The following INTS9 variants were observed in gnomAD, a reference collection of about 807,000 sequenced individuals.
INTS9 encodes protein related to CPSF subunits of 74 kDa.
Under a neutral mutation model 79.7 loss-of-function variants are expected in INTS9, and 55 were observed. The ratio of observed to expected loss-of-function variants is 0.69; its 90% CI spans 0.56 to 0.86. The LOEUF (loss-of-function observed/expected upper bound fraction) is 0.86. Ranked by LOEUF, INTS9 falls within the 40% of genes least tolerant of loss-of-function variation. The pLI is 0.00. For synonymous variants in INTS9, 319 were observed against 325.2 expected, an observed-to-expected ratio of 0.98 and a Z score of 0.20; for missense variants, 721 against 831.5, an observed-to-expected ratio of 0.87 and a Z score of 1.64.
chr8:28,882,938 G>A (rs1033377746), intron 1 of INTS9, among the ~76,000 whole-genome samples: 1 of 152,294 alleles, frequency 6.6e-6, no homozygotes, highest in East Asian at 1.9e-4. Flanking sequence ...CTTGATCACT[G>A]AGCAACTTGC....
intron 4 of INTS9, among the ~76,000 whole-genome samples, chr8:28,842,884 T>G (rs1035654922): frequency 6.6e-6 from 1 of 152,176 alleles, no homozygotes; most frequent in African/African-American, 2.4e-5. Context: ...TTCGACAGAG[T>G]TGACAGTCCT....
At position 28,777,840 on chromosome 8, in the gene INTS9, T is replaced by TA; in HGVS notation, c.1383dup (p.Lys462Ter). The TA allele has an allele frequency of 6.2e-7, 1 of 1,607,626 alleles. No individual in the cohort carries two copies. On this transcript the variant is annotated frameshift_variant, in exon 13 of 17. Transcript: ENST00000521022. LOFTEE classifies it high-confidence loss of function. Reference sequence around the variant, plus strand: ...GTGTCCTTCATTACCTGCACTTCTTTAAGCAGCTTTGACACCTGGATGAAG... The same window carrying TA: ...GTGTCCTTCATTACCTGCACTTCTTTAAAGCAGCTTTGACACCTGGATGAAG...
intron 4 of INTS9, among the ~76,000 whole-genome samples, chr8:28,842,242 G>A (rs1234756021): frequency 6.6e-6 from 1 of 152,170 alleles, no homozygotes; most frequent in Non-Finnish European, 1.5e-5. Context: ...TGGTCTTGTT[G>A]TCTTGGGTGG....
In INTS9 at chr8:28,842,740, A is replaced by G. The variant is rs567082536; in HGVS notation, c.261+4007T>C. 9.2e-5 allele frequency among the ~76,000 whole-genome samples: 14 copies of G among 152,210 alleles called. No homozygotes were observed. In the South Asian group the frequency reaches 2.9e-3, roughly 32 times the overall value. ...GGTTCTGTTCTAAATCCTGTGAAGT[A>G]CAACACCTGGACACAGTTTTGTTTA... On this transcript the variant is annotated intron_variant, in intron 4 of 16. Transcript: ENST00000521022.
At chr8:28,879,821 A>AC (rs1169480050) in intron 1 of INTS9, among the ~76,000 whole-genome samples, 1 of 152,134 alleles carries the variant, frequency 6.6e-6, no homozygotes, top group Non-Finnish European at 1.5e-5. Context: ...GCCACAAAAG[A>AC]CCCCATATCA....
chr8:28,806,629 T>G (rs1358459910), intron 8 of INTS9, among the ~76,000 whole-genome samples: 2 of 152,214 alleles, frequency 1.3e-5, no homozygotes, highest in African/African-American at 2.4e-5. Context: ...AAAGGAAGAC[T>G]AATCAAATTT....
intron 5 of INTS9, 104 bp from the exon 6 acceptor site, chr8:28,835,482 C>T: frequency 1.5e-6 from 1 of 682,556 alleles, no homozygotes; most frequent in Non-Finnish European, 2.6e-6. Flanking sequence ...CCTCCCCCTA[C>T]ACCATTTCAT....
intron 1 of INTS9, among the ~76,000 whole-genome samples, chr8:28,876,341 T>C (rs1365114446): frequency 6.6e-6 from 1 of 152,212 alleles, no homozygotes; most frequent in Non-Finnish European, 1.5e-5. Flanking sequence ...ATCCATTGTT[T>C]ACTCAAAAGT....
At position 28,767,937 on chromosome 8, in the gene INTS9, G is replaced by A. The variant is rs1192058249; in HGVS notation, c.*209C>T. On this transcript the variant is annotated 3_prime_UTR_variant, in exon 17 of 17. Transcript: ENST00000521022. ...AGAGAGCCAGAGTTGAGAAGAAAAT[G>A]AGCCTGAAGTTGAAAGGGAAAGTTC... 1.8e-6 allele frequency: 1 copy of A among 568,688 alleles called. No homozygotes were observed. Among genetic ancestry groups the A allele is most frequent in the African/African-American group, 1.9e-5 (1 of 53,322 alleles). 35.2% of individuals were successfully genotyped at this position (568,688 alleles called of 1,614,324 possible). A position where few individuals can be genotyped will look rare whatever the true frequency, so the allele number is the denominator to read the frequency against.
At chr8:28,889,753 C>A in intron 1 of INTS9, 121 bp downstream of exon 1, 1 of 1,135,728 alleles carries the variant, frequency 8.8e-7, no homozygotes, top group Non-Finnish European at 1.3e-6. Flanking sequence ...GCCCACTCCA[C>A]TTTCCAGCTC....
At chr8:28,844,221 TA>T (rs1807363036) in intron 4 of INTS9, among the ~76,000 whole-genome samples, 1 of 152,230 alleles carries the variant, frequency 6.6e-6, no homozygotes, top group South Asian at 2.1e-4. Context: ...GTATGGTCTG[TA>T]AATGTTGATG....
At chr8:28,851,178 G>A (rs1807807619) in intron 2 of INTS9, among the ~76,000 whole-genome samples, 1 of 150,904 alleles carries the variant, frequency 6.6e-6, no homozygotes, top group Admixed American at 6.6e-5. Context: ...CAAAAGTTAA[G>A]GGCAAAGTAA....
At chr8:28,847,568 A>G (rs760473287) in intron 3 of INTS9, among the ~76,000 whole-genome samples, 1 of 152,154 alleles carries the variant, frequency 6.6e-6, no homozygotes, top group Non-Finnish European at 1.5e-5. Context: ...TGCAGAACAT[A>G]CCATTTATTT....
intron 1 of INTS9, among the ~76,000 whole-genome samples, chr8:28,885,545 T>C (rs1240137117): frequency 6.6e-6 from 1 of 152,262 alleles, no homozygotes; most frequent in Non-Finnish European, 1.5e-5. Context: ...GTTGACTGAA[T>C]AAGCCAGAAG....
chr8:28,886,438 G>A (rs1458957361), intron 1 of INTS9, among the ~76,000 whole-genome samples: 3 of 152,006 alleles, frequency 2.0e-5, no homozygotes, highest in African/African-American at 4.8e-5. Flanking sequence ...TGTAAAGACA[G>A]GTTTTGCCAT....
At chr8:28,887,658 C>G (rs1018295481) in intron 1 of INTS9, among the ~76,000 whole-genome samples, 10 of 152,198 alleles carry the variant, frequency 6.6e-5, no homozygotes, top group Non-Finnish European at 7.4e-5. Flanking sequence ...ATTTGGGAGG[C>G]ATGACACACC....
chr8:28,801,504 AAC>A (rs1491266930), intron 8 of INTS9, among the ~76,000 whole-genome samples: 5 of 70,378 alleles, frequency 7.1e-5, no homozygotes, highest in Admixed American at 1.4e-4. Flanking sequence ...CAAACAAACA[AAC>A]AAAAAAACAA....
intron 6 of INTS9, among the ~76,000 whole-genome samples, 192 bp downstream of exon 6, chr8:28,835,100 T>A (rs1806727338): frequency 6.6e-6 from 1 of 152,382 alleles, no homozygotes; most frequent in South Asian, 2.1e-4. Flanking sequence ...GTACCCAGCA[T>A]AGCACCTTGC....
intron 3 of INTS9, among the ~76,000 whole-genome samples, chr8:28,849,644 A>G (rs886981187): frequency 1.6e-4 from 24 of 152,260 alleles, no homozygotes; most frequent in African/African-American, 5.8e-4. Flanking sequence ...GGGGAAGTCA[A>G]ACACTCTGCT....
Sources: allele counts gnomAD v4.1 joint callset (sites outside exome capture counted in the v4.1 genomes callset), GRCh38; gene constraint gnomAD v4.1.1; transcripts MANE v1.5; gene names NCBI Gene and HGNC (gene_info 2026-07-23, HGNC 2026-07-21).